Variants in EIPR1 observed in about 807,000 individuals in gnomAD.
The protein encoded by EIPR1 is EARP complex and GARP complex interacting protein 1.
Under a neutral mutation model 48.1 loss-of-function variants are expected in EIPR1, and 25 were observed. The observed-to-expected ratio is 0.52, with a 90% CI of 0.38 to 0.73. The LOEUF (loss-of-function observed/expected upper bound fraction) is 0.73. Among genes scored for constraint, EIPR1 ranks in the 30% least tolerant of loss-of-function variants. The pLI, the probability that EIPR1 is intolerant of heterozygous loss-of-function variation, is 0.00. For missense variants in EIPR1, 415 were observed against 506.2 expected (o/e 0.82, Z 1.73); for synonymous variants, 204 against 201.9 (o/e 1.01, Z -0.09).
chr2:3,353,224 G>T, intron 2 of EIPR1: 1 of 470,858 alleles, frequency 2.1e-6, no homozygotes, highest in African/African-American at 2.0e-5. Context: ...CCTGGCATCC[G>T]CTGGGTGGTC....
At chr2:3,249,573 G>A (rs896355191) in intron 4 of EIPR1, among the ~76,000 whole-genome samples, 1 of 152,214 alleles carries the variant, frequency 6.6e-6, no homozygotes, top group Non-Finnish European at 1.5e-5. Flanking sequence ...AGGATTTTCA[G>A]GGGAAGAATC....
intron 2 of EIPR1, among the ~76,000 whole-genome samples, chr2:3,351,666 G>T (rs1005719076): frequency 6.6e-6 from 1 of 152,142 alleles, no homozygotes; most frequent in African/African-American, 2.4e-5. Context: ...TTATAAATAA[G>T]TAATTCCCTT....
At chr2:3,308,027 C>G (rs1668999723) in intron 3 of EIPR1, among the ~76,000 whole-genome samples, 1 of 152,180 alleles carries the variant, frequency 6.6e-6, no homozygotes, top group South Asian at 2.1e-4. Flanking sequence ...CCACACACAA[C>G]AGAGCCACAC....
chr2:3,240,131 A>G (rs1666552014), intron 4 of EIPR1, among the ~76,000 whole-genome samples: 1 of 151,736 alleles, frequency 6.6e-6, no homozygotes, highest in African/African-American at 2.4e-5. Context: ...AAGCCAGCAG[A>G]TCCTTCCTAA....
intron 4 of EIPR1, among the ~76,000 whole-genome samples, chr2:3,233,035 C>G (rs1208638277): frequency 6.6e-6 from 1 of 152,172 alleles, no homozygotes; most frequent in Non-Finnish European, 1.5e-5. Context: ...AAGTTTAAAA[C>G]TTTAGAAAAG....
chr2:3,352,427 CCT>C (rs146018745), intron 2 of EIPR1, among the ~76,000 whole-genome samples: 2,103 of 150,420 alleles, frequency 0.014, 61 homozygotes, highest in African/African-American at 0.049. Flanking sequence ...GCTACCTGCC[CCT>C]GAGCCAACCA....
intron 3 of EIPR1, among the ~76,000 whole-genome samples, chr2:3,332,822 C>T (rs553117464): frequency 6.6e-6 from 1 of 152,330 alleles, no homozygotes; most frequent in South Asian, 2.1e-4. Flanking sequence ...TTTTCACAAT[C>T]ATCACAGGTA....
chr2:3,223,728 G>A (rs2103152991), intron 4 of EIPR1, among the ~76,000 whole-genome samples: 1 of 152,212 alleles, frequency 6.6e-6, no homozygotes, highest in Non-Finnish European at 1.5e-5. Flanking sequence ...CCCCAGGGTG[G>A]ACACCTGCCC....
intron 1 of EIPR1, among the ~76,000 whole-genome samples, chr2:3,375,388 TA>T (rs55645100): frequency 0.21 from 30,631 of 148,210 alleles, 3,499 homozygotes; most frequent in Non-Finnish European, 0.26. Context: ...AATAATAATT[TA>T]AAAAAAAAAG....
At chr2:3,287,539 C>T (rs182167341) in intron 3 of EIPR1, among the ~76,000 whole-genome samples, 3 of 152,132 alleles carry the variant, frequency 2.0e-5, no homozygotes, top group East Asian at 1.9e-4. Flanking sequence ...CTCCAGAAAG[C>T]TCGTTCACCA....
intron 3 of EIPR1, among the ~76,000 whole-genome samples, chr2:3,259,033 A>G (rs955160099): frequency 1.3e-5 from 2 of 152,198 alleles, no homozygotes; most frequent in African/African-American, 4.8e-5. Context: ...CCAAAGGGAA[A>G]GTTGGCAATT....
chr2:3,226,007 T>C (rs1273964879), intron 4 of EIPR1, among the ~76,000 whole-genome samples: 1 of 152,256 alleles, frequency 6.6e-6, no homozygotes, highest in Non-Finnish European at 1.5e-5. Context: ...ACTCTATATG[T>C]ATCTACCACA....
At chr2:3,338,515 T>TCCCA (rs1040253227) in intron 2 of EIPR1, among the ~76,000 whole-genome samples, 1 of 152,156 alleles carries the variant, frequency 6.6e-6, no homozygotes, top group African/African-American at 2.4e-5. Context: ...AGCAAGGTCC[T>TCCCA]CCCAGCCTGC....
chr2:3,218,095 A>T (rs1665703503), intron 4 of EIPR1, among the ~76,000 whole-genome samples: 2 of 151,986 alleles, frequency 1.3e-5, no homozygotes, highest in Admixed American at 1.3e-4. Flanking sequence ...GATACACTCT[A>T]GAGCATTCAC....
intron 3 of EIPR1, among the ~76,000 whole-genome samples, chr2:3,322,897 G>A (rs1448901173): frequency 1.3e-5 from 2 of 152,322 alleles, no homozygotes; most frequent in South Asian, 2.1e-4. Context: ...CGTCCCTCCC[G>A]CAGCTGCCGA....
At chr2:3,329,928 G>A (rs981409144) in intron 3 of EIPR1, among the ~76,000 whole-genome samples, 2 of 149,274 alleles carry the variant, frequency 1.3e-5, no homozygotes, top group African/African-American at 2.5e-5. Flanking sequence ...ATGATCTCAG[G>A]GTACTAGCCT....
In EIPR1 at chr2:3,214,063, T is replaced by C. The variant is rs1319497530; in HGVS notation, c.516+86A>G. ...CCCACCCTGTGTCCAAGTGATCTCA[T>C]TGTTCAATTCCCACCTATGAGTGAG... On this transcript the variant is annotated intron_variant, in intron 5 of 8. Coordinates refer to ENST00000382125, the MANE Select transcript of EIPR1 (RefSeq NM_003310.5). 7.4e-6 allele frequency: 9 copies of C among 1,220,318 alleles called. 1 individual carries two copies. The highest frequency in any genetic ancestry group is 1.0e-5 in the Non-Finnish European group (9 of 860,502). The allele number at this position is 1,220,318 out of a possible 1,614,324, so 75.6% of individuals were successfully genotyped here. A position where few individuals can be genotyped will look rare whatever the true frequency, so the allele number is the denominator to read the frequency against.
chr2:3,295,127 T>C (rs533048247), intron 3 of EIPR1, among the ~76,000 whole-genome samples: 65 of 137,504 alleles, frequency 4.7e-4, no homozygotes, highest in African/African-American at 1.8e-3. Flanking sequence ...CCATCCTCTC[T>C]CCATGCACAA....
intron 4 of EIPR1, among the ~76,000 whole-genome samples, chr2:3,236,508 G>A (rs1438506908): frequency 6.6e-6 from 1 of 152,196 alleles, no homozygotes; most frequent in Non-Finnish European, 1.5e-5. Context: ...CCACACCTGA[G>A]AAAGGTGACT....
Sources: gnomAD v4.1 joint callset for allele counts (sites outside exome capture counted in the v4.1 genomes callset) on GRCh38, gnomAD v4.1.1 for gene constraint, MANE v1.5 for transcripts, NCBI Gene and HGNC (gene_info 2026-07-23, HGNC 2026-07-21) for gene names.